The following ANKRD31 variants were observed in gnomAD, a reference collection of about 807,000 sequenced individuals.
The protein encoded by ANKRD31 is ankyrin repeat domain 31, also known as ankyrin repeat domain-containing protein 31.
Under a neutral mutation model 186.0 loss-of-function variants are expected in ANKRD31, and 147 were observed. That is an observed-to-expected ratio of 0.79 (90% CI 0.69 to 0.91). The LOEUF (loss-of-function observed/expected upper bound fraction) is 0.91. ANKRD31 is among the 40% of genes least tolerant of loss of function. ANKRD31 has a pLI of 0.00. For missense variants in ANKRD31, 1,986 were observed against 2,148.8 expected (o/e 0.92, Z 1.50); for synonymous variants, 673 against 736.4 (o/e 0.91, Z 1.39).
At chr5:75,219,741 T>C (rs1040191033) in intron 3 of ANKRD31, among the ~76,000 whole-genome samples, 16 of 152,126 alleles carry the variant, frequency 1.1e-4, no homozygotes, top group Non-Finnish European at 1.9e-4. Context: ...GTCTTCAAAC[T>C]GTACAAAGCT....
At chr5:75,206,297 ATATATATATATATG>A (rs934831959) in intron 5 of ANKRD31, 100 bp downstream of exon 5, 3 of 92,020 alleles carry the variant, frequency 3.3e-5, no homozygotes, top group Admixed American at 1.5e-4. Flanking sequence ...ATATATATAT[ATATATATATATATG>A]GTTGACCAGC....
At chr5:75,086,037 G>A (rs1441474882) in intron 23 of ANKRD31, among the ~76,000 whole-genome samples, 1 of 152,098 alleles carries the variant, frequency 6.6e-6, no homozygotes, top group African/African-American at 2.4e-5. Context: ...GCCCCTGAAT[G>A]CCATTTGTCA....
At chr5:75,088,582 A>G (rs1395692722) in intron 23 of ANKRD31, among the ~76,000 whole-genome samples, 1 of 152,190 alleles carries the variant, frequency 6.6e-6, no homozygotes, top group Admixed American at 6.5e-5. Flanking sequence ...AGGTGGCTAG[A>G]TTGTACTGTG....
At position 75,228,951 on chromosome 5, in the gene ANKRD31, G is replaced by A. The variant is rs566781139; in HGVS notation, c.178+1611C>T. 1.2e-4 allele frequency among the ~76,000 whole-genome samples: 18 copies of A among 152,276 alleles called. No individual in the cohort carries two copies. The South Asian group carries it at 3.3e-3, about 28-fold the overall frequency. On this transcript the variant is annotated intron_variant, in intron 2 of 25. Transcript: ENST00000506364. ...CCACTTAGGTATCAGGTGAGATGAT[G>A]TACAGTGAAAAGACTGTGAACCATA...
At chr5:75,235,241 C>A (rs1244039404) in intron 1 of ANKRD31, among the ~76,000 whole-genome samples, 2 of 99,880 alleles carry the variant, frequency 2.0e-5, no homozygotes, top group African/African-American at 3.9e-5. Context: ...CTTGCTGGTA[C>A]TTTTTTTTTT....
At chr5:75,179,555 C>T (rs1366121935) in intron 10 of ANKRD31, among the ~76,000 whole-genome samples, 3 of 152,204 alleles carry the variant, frequency 2.0e-5, no homozygotes, top group African/African-American at 7.2e-5. Flanking sequence ...TGGGCTTCAT[C>T]ACTGGGATGC....
At position 75,206,047 on chromosome 5, in the gene ANKRD31, T is replaced by C. The variant is rs939391743; in HGVS notation, c.403+364A>G. Among the ~76,000 whole-genome samples the C allele has an allele frequency of 4.6e-5, 7 of 151,282 alleles. 1 individual carries two copies. In the South Asian group the frequency reaches 1.5e-3, roughly 32 times the overall value. ...CTCCCATAGGTAATTCTATGAAGCATGCCCCAAGTCAATAGCAACACTGAT... is the reference window on the plus strand; with the variant it reads ...CTCCCATAGGTAATTCTATGAAGCACGCCCCAAGTCAATAGCAACACTGAT... On this transcript the variant is annotated intron_variant, in intron 5 of 25. Coordinates refer to ENST00000506364, the MANE Select transcript of ANKRD31 (RefSeq NM_001372053.1).
chr5:75,191,858 G>A (rs2150242531), intron 9 of ANKRD31, among the ~76,000 whole-genome samples: 1 of 152,118 alleles, frequency 6.6e-6, no homozygotes, highest in East Asian at 1.9e-4. Context: ...ACATATATGT[G>A]AAAGGCATTA....
intron 4 of ANKRD31, 113 bp from the exon 5 acceptor site, chr5:75,206,600 A>T (rs1756263738): frequency 9.5e-6 from 4 of 421,428 alleles, no homozygotes; most frequent in Admixed American, 9.4e-5. Context: ...AAATAGGATA[A>T]TTTTTTGCTA....
intron 11 of ANKRD31, among the ~76,000 whole-genome samples, chr5:75,161,796 C>G (rs1330872584): frequency 1.3e-5 from 2 of 152,202 alleles, no homozygotes; most frequent in Admixed American, 6.5e-5. Flanking sequence ...TGAAAGGGAC[C>G]TATGTAGAGC....
At position 75,114,568 on chromosome 5, in the gene ANKRD31, A is replaced by G. The variant is rs368842864; in HGVS notation, c.4156-1968T>C. On this transcript the variant is annotated intron_variant, in intron 19 of 25. Transcript: ENST00000506364. ...GCTGAGACAATGGGGTTTTCTAGAT[A>G]TACAATCAACGTACAAAAATCACAA... Among the ~76,000 whole-genome samples the G allele has an allele frequency of 3.5e-4, 54 of 152,266 alleles. No homozygotes were observed. In the East Asian group the frequency reaches 9.1e-3, roughly 26 times the overall value.
chr5:75,084,487 T>A (rs1745331956), intron 23 of ANKRD31, 113 bp from the exon 24 acceptor site: 1 of 830,546 alleles, frequency 1.2e-6, no homozygotes, highest in African/African-American at 1.7e-5. Context: ...ATGTTGTGGA[T>A]TAGCAAGCTT....
chr5:75,105,651 G>A (rs1471652329), intron 21 of ANKRD31, among the ~76,000 whole-genome samples: 1 of 152,122 alleles, frequency 6.6e-6, no homozygotes, highest in African/African-American at 2.4e-5. Flanking sequence ...CTGTTTATTA[G>A]TAAGTACAAT....
chr5:75,217,895 A>C (rs1157361616), intron 3 of ANKRD31, among the ~76,000 whole-genome samples: 2 of 152,146 alleles, frequency 1.3e-5, no homozygotes, highest in East Asian at 1.9e-4. Flanking sequence ...GGCTGGTAAC[A>C]ATCTTTCCTT....
chr5:75,135,913 C>A (rs148545321), intron 17 of ANKRD31, among the ~76,000 whole-genome samples: 1 of 152,056 alleles, frequency 6.6e-6, no homozygotes, highest in Non-Finnish European at 1.5e-5. Context: ...ACAAGAAATG[C>A]GGAAAGGATT....
At chr5:75,166,132 G>C (rs1456330531) in intron 11 of ANKRD31, among the ~76,000 whole-genome samples, 1 of 152,116 alleles carries the variant, frequency 6.6e-6, no homozygotes, top group Non-Finnish European at 1.5e-5. Context: ...AAACAGTCCA[G>C]AGTTCTACCA....
At chr5:75,171,943 T>C (rs910896752) in intron 10 of ANKRD31, among the ~76,000 whole-genome samples, 1 of 151,738 alleles carries the variant, frequency 6.6e-6, no homozygotes, top group Non-Finnish European at 1.5e-5. Context: ...ATAACCCTGA[T>C]ACCAAAACCA....
chr5:75,139,483 G>A (rs558593898), intron 15 of ANKRD31, among the ~76,000 whole-genome samples: 2 of 152,046 alleles, frequency 1.3e-5, no homozygotes, highest in African/African-American at 4.8e-5. Flanking sequence ...TCTCTTCCTT[G>A]CAATACAAGT....
chr5:75,107,822 G>C (rs899626242), intron 20 of ANKRD31, among the ~76,000 whole-genome samples: 2 of 151,988 alleles, frequency 1.3e-5, no homozygotes, highest in Non-Finnish European at 2.9e-5. Flanking sequence ...TAAGAATGCT[G>C]TAAAACAGTA....
Sources: gnomAD v4.1 joint callset for allele counts (sites outside exome capture counted in the v4.1 genomes callset) on GRCh38, gnomAD v4.1.1 for gene constraint, MANE v1.5 for transcripts, NCBI Gene and HGNC (gene_info 2026-07-23, HGNC 2026-07-21) for gene names.